Variants in SRP19 observed in about 807,000 individuals in gnomAD.
SRP19 encodes signal recognition particle 19.
SRP19 carries 11 observed loss-of-function variants against 22.4 expected under a neutral mutation model. The ratio of observed to expected loss-of-function variants is 0.49; its 90% CI spans 0.31 to 0.81. The LOEUF is 0.81. Among genes scored for constraint, SRP19 ranks in the 40% least tolerant of loss-of-function variants. The probability of loss-of-function intolerance (pLI) is 0.05; values close to 1 mark genes in which losing one functional copy is unlikely to be tolerated. For synonymous variants in SRP19, 61 were observed against 57.6 expected (o/e 1.06, Z -0.27); for missense variants, 168 against 175.9 (o/e 0.96, Z 0.25).
intron 2 of SRP19, among the ~76,000 whole-genome samples, chr5:112,863,710 G>A (rs1308686487): frequency 2.0e-5 from 3 of 152,058 alleles, no homozygotes; most frequent in African/African-American, 7.2e-5. Context: ...TGTCACCCAG[G>A]CTGGAGTGCG....
intron 4 of SRP19, among the ~76,000 whole-genome samples, chr5:112,884,214 G>A (rs1402928780): frequency 1.3e-5 from 2 of 152,002 alleles, no homozygotes; most frequent in East Asian, 1.9e-4. Context: ...CTTTACAATG[G>A]CCTATAAGGC....
At chr5:112,874,723 T>C (rs1346243678), downstream of SRP19, among the ~76,000 whole-genome samples, 3 of 152,116 alleles carry the variant, frequency 2.0e-5, no homozygotes, top group African/African-American at 7.2e-5. Context: ...CAGTAATCTT[T>C]TTTAACAACA....
chr5:112,872,440 T>G (rs1767780084), downstream of SRP19, among the ~76,000 whole-genome samples: 1 of 151,694 alleles, frequency 6.6e-6, no homozygotes, highest in African/African-American at 2.4e-5. Flanking sequence ...GGGATTCTTC[T>G]GCCTCAGCCT....
At position 112,878,633 on chromosome 5, in the gene SRP19, A is replaced by C. The variant is rs1767969036; in HGVS notation, c.302-12970A>C. On this transcript the variant is annotated intron_variant, in intron 4 of 4. Transcript: ENST00000391338. ...CCCTATATATATAGACAGTAAAAGT[A>C]AGCAAAGAAACTTACAACACATTCC... The C allele has an allele frequency of 3.2e-5, 36 of 1,127,118 alleles. No homozygotes were observed. In the South Asian group the frequency reaches 5.5e-4, roughly 17 times the overall value. 69.8% of individuals were successfully genotyped at this position (1,127,118 alleles called of 1,614,324 possible).
At chr5:112,863,631 G>A (rs1186591860) in intron 2 of SRP19, among the ~76,000 whole-genome samples, 1 of 152,104 alleles carries the variant, frequency 6.6e-6, no homozygotes, top group African/African-American at 2.4e-5. Context: ...AGTATCGCAT[G>A]GTGTGAGTAT....
At chr5:112,888,905 G>C (rs1000346703) in intron 4 of SRP19, among the ~76,000 whole-genome samples, 2 of 150,802 alleles carry the variant, frequency 1.3e-5, no homozygotes, top group Non-Finnish European at 2.9e-5. Context: ...GGAAAGGACA[G>C]GGTGAGAGAT....
At chr5:112,878,482 G>T in intron 4 of SRP19, 2 of 361,246 alleles carry the variant, frequency 5.5e-6, no homozygotes, top group Non-Finnish European at 5.0e-6. Context: ...ACAGCCTGTG[G>T]GGTATATAAT....
chr5:112,864,842 T>G (rs906341000), intron 4 of SRP19, 110 bp downstream of exon 4: 3 of 788,480 alleles, frequency 3.8e-6, no homozygotes, highest in African/African-American at 3.5e-5. Context: ...TTCTGAAGAT[T>G]AATTTAAAGA....
chr5:112,861,406 C>T lies in SRP19; in HGVS notation c.30C>T (p.Ala10=), dbSNP rs1225478810. ...CTTGCGCTGCCGCGCGGTCCCCGGC[C>T]GACCAGGACAGGTGGGTTCTGAGGC... is the stretch of plus-strand genomic sequence containing the variant. MACAAARSP[A]DQDRFICIYP... Residue 10 remains alanine, a synonymous_variant, in exon 1 of 5, where the codon GCC becomes GCT. Coordinates refer to ENST00000505459, the MANE Select transcript of SRP19 (RefSeq NM_003135.3). 1.9e-6 allele frequency: 3 copies of T among 1,613,980 alleles called. No homozygotes were observed. The highest frequency in any genetic ancestry group is 2.5e-6 in the Non-Finnish European group (3 of 1,180,022).
chr5:112,896,874 A>G (rs1768694538), downstream of SRP19: 1 of 152,190 alleles, frequency 6.6e-6, no homozygotes, highest in Non-Finnish European at 1.5e-5. Flanking sequence ...GGTTACAGTG[A>G]GCAGAGGTCA....
intron 1 of SRP19, chr5:112,862,225 C>T (rs988058021): frequency 8.1e-5 from 37 of 455,118 alleles, no homozygotes; most frequent in South Asian, 6.5e-4. Flanking sequence ...GTTTAAATAC[C>T]CTCTAGACGT....
intron 4 of SRP19, among the ~76,000 whole-genome samples, chr5:112,888,785 C>A (rs1305148141): frequency 6.6e-6 from 1 of 150,776 alleles, no homozygotes; most frequent in Non-Finnish European, 1.5e-5. Flanking sequence ...ACTTGGGAGG[C>A]CAAGGTGCAA....
chr5:112,863,954 G>A (rs1328514906), intron 2 of SRP19, among the ~76,000 whole-genome samples: 2 of 152,088 alleles, frequency 1.3e-5, no homozygotes, highest in Non-Finnish European at 2.9e-5. Flanking sequence ...TTTCTACTCT[G>A]GATGGAAAAT....
chr5:112,886,505 G>C (rs1158701598), intron 4 of SRP19, among the ~76,000 whole-genome samples: 2 of 152,138 alleles, frequency 1.3e-5, no homozygotes, highest in African/African-American at 2.4e-5. Context: ...TCTGCAAGTG[G>C]AGAGAACACA....
rs1038876309 is a variant in SRP19 at position 112,868,222 on chromosome 5, A to G, written c.*685A>G. On this transcript the variant is annotated 3_prime_UTR_variant, in exon 5 of 5. Transcript: ENST00000505459. ...AAATTAACTGTGCTTTAGCACCTTG[A>G]GGTACACTTTCCTTCAACAAATGAA... 20 of 985,382 alleles carry G rather than the reference A, an allele frequency of 2.0e-5. No individual in the cohort carries two copies. Among genetic ancestry groups the G allele is most frequent in the South Asian group, 1.4e-4 (3 of 21,294 alleles). The allele number at this position is 985,382 out of a possible 1,614,324, so 61.0% of individuals were successfully genotyped here. A position where few individuals can be genotyped will look rare whatever the true frequency, so the allele number is the denominator to read the frequency against.
At chr5:112,887,216 G>A in intron 4 of SRP19, 1 of 1,517,210 alleles carries the variant, frequency 6.6e-7, no homozygotes. Flanking sequence ...TGGGTAACAG[G>A]AGGGTGGAGG....
downstream of SRP19, chr5:112,895,826 C>G (rs1396463015): frequency 6.6e-6 from 1 of 152,222 alleles, no homozygotes; most frequent in Admixed American, 6.5e-5. Context: ...TCTTTTCAAT[C>G]AAGCTGCCCT....
chr5:112,879,937 A>T (rs1195576951), intron 4 of SRP19, among the ~76,000 whole-genome samples: 1 of 152,070 alleles, frequency 6.6e-6, no homozygotes, highest in African/African-American at 2.4e-5. Flanking sequence ...TTTTAAAAAA[A>T]TTTTAAAAGC....
chr5:112,881,649 T>C (rs1237116513), intron 4 of SRP19, among the ~76,000 whole-genome samples: 5 of 152,212 alleles, frequency 3.3e-5, no homozygotes, highest in African/African-American at 4.8e-5. Flanking sequence ...TCTCATGTCA[T>C]CAGATTCTAT....
Sources: gnomAD v4.1 joint callset for allele counts (sites outside exome capture counted in the v4.1 genomes callset) on GRCh38, gnomAD v4.1.1 for gene constraint, MANE v1.5 for transcripts, NCBI Gene and HGNC (gene_info 2026-07-23, HGNC 2026-07-21) for gene names.